Variants in CDH12 observed in about 807,000 individuals in gnomAD.
CDH12 encodes the protein cadherin-12.
Under a neutral mutation model 74.1 loss-of-function variants are expected in CDH12, and 41 were observed. The observed-to-expected ratio is 0.55, with a 90% CI of 0.43 to 0.72. The LOEUF is 0.72. Among genes scored for constraint, CDH12 ranks in the 30% least tolerant of loss-of-function variants. The pLI is 0.00. For missense variants in CDH12, 945 were observed against 977.2 expected (o/e 0.97, Z 0.44); for synonymous variants, 399 against 355.0 (o/e 1.12, Z -1.39).
chr5:22,319,961 G>A (rs1410431955), intron 3 of CDH12, among the ~76,000 whole-genome samples: 3 of 152,054 alleles, frequency 2.0e-5, no homozygotes, highest in Non-Finnish European at 4.4e-5. Context: ...GAAGGGAGAT[G>A]GAGACTAACT....
At chr5:22,210,682 A>T (rs993053679) in intron 4 of CDH12, among the ~76,000 whole-genome samples, 2 of 152,060 alleles carry the variant, frequency 1.3e-5, no homozygotes, top group African/African-American at 4.8e-5. Flanking sequence ...TGGTCAATAC[A>T]TCCAACAAAA....
intron 4 of CDH12, among the ~76,000 whole-genome samples, chr5:22,083,407 G>C (rs1416167056): frequency 6.6e-6 from 1 of 152,094 alleles, no homozygotes; most frequent in Admixed American, 6.6e-5. Flanking sequence ...GGGTGGAGTG[G>C]TGGCGTAAAG....
chr5:22,428,856 C>A (rs879251199), intron 2 of CDH12, among the ~76,000 whole-genome samples: 18 of 152,148 alleles, frequency 1.2e-4, no homozygotes, highest in Admixed American at 1.2e-3. Context: ...GAACAGCCTG[C>A]CTTTAGGGAT....
intron 1 of CDH12, among the ~76,000 whole-genome samples, chr5:22,802,437 AT>A (rs1748582797): frequency 6.6e-6 from 1 of 152,104 alleles, no homozygotes. Context: ...TTAAATTCTA[AT>A]TTCTAAGAGT....
At chr5:22,844,242 TATA>T (rs1737204255) in intron 1 of CDH12, among the ~76,000 whole-genome samples, 1 of 152,224 alleles carries the variant, frequency 6.6e-6, no homozygotes, top group South Asian at 2.1e-4. Flanking sequence ...TAAGGTTTCC[TATA>T]ATAACTTGGA....
intron 1 of CDH12, among the ~76,000 whole-genome samples, chr5:22,526,585 GC>G (rs1229831533): frequency 2.0e-5 from 3 of 152,126 alleles, no homozygotes; most frequent in Non-Finnish European, 4.4e-5. Context: ...ATCTGGTGCG[GC>G]AGCTGCAATT....
rs560122609 is a variant in CDH12, at chr5:22,666,352, C to G, written c.-522-160988G>C. The stretch of plus-strand genomic sequence containing the variant: ...ACGCCCAGGCTGGAGTGCAGTGGCA[C>G]GATCTCGGCTCACTGCAAGCTCCGC... On this transcript the variant is annotated intron_variant, in intron 1 of 14. Transcript: ENST00000382254. Among the ~76,000 whole-genome samples, 21 of 142,260 alleles carry G rather than the reference C, an allele frequency of 1.5e-4. No individual in the cohort carries two copies. The East Asian group carries it at 2.3e-3, about 16-fold the overall frequency. 93.3% of individuals were successfully genotyped at this position (142,260 alleles called of 152,430 possible).
At chr5:21,832,836 TATAAATCATATGATATATG>T (rs1749114908) in intron 8 of CDH12, among the ~76,000 whole-genome samples, 2 of 105,746 alleles carry the variant, frequency 1.9e-5, no homozygotes, top group African/African-American at 6.7e-5. Context: ...ATTATAATAA[TATAAATCATATGATATATG>T]ATATATATCA....
intron 1 of CDH12, among the ~76,000 whole-genome samples, chr5:22,810,905 ATGTG>A (rs113641421): frequency 0.057 from 8,361 of 146,872 alleles, 337 homozygotes; most frequent in East Asian, 0.18. Flanking sequence ...AAACAAATAT[ATGTG>A]TGTGTGTGTG....
At chr5:21,840,373 T>C (rs968719445) in intron 8 of CDH12, among the ~76,000 whole-genome samples, 17 of 152,164 alleles carry the variant, frequency 1.1e-4, no homozygotes, top group Admixed American at 2.0e-4. Flanking sequence ...CACTATTTTT[T>C]ACTAAAGTAA....
intron 3 of CDH12, among the ~76,000 whole-genome samples, chr5:22,368,432 G>A (rs2126332231): frequency 6.6e-6 from 1 of 151,484 alleles, no homozygotes; most frequent in Admixed American, 6.6e-5. Context: ...CCAAGTTGCT[G>A]GGACTACAAG....
chr5:22,321,240 A>C (rs1394454252), intron 3 of CDH12, among the ~76,000 whole-genome samples: 1 of 151,468 alleles, frequency 6.6e-6, no homozygotes, highest in African/African-American at 2.4e-5. Context: ...ACTTGGAACC[A>C]ACCCAAATGT....
intron 3 of CDH12, among the ~76,000 whole-genome samples, chr5:22,334,831 A>G (rs1739505476): frequency 6.6e-6 from 1 of 152,188 alleles, no homozygotes; most frequent in Non-Finnish European, 1.5e-5. Context: ...TTCTCTCACC[A>G]TATACAAAAA....
chr5:22,839,080 A>G (rs991985295), intron 1 of CDH12, among the ~76,000 whole-genome samples: 6 of 152,172 alleles, frequency 3.9e-5, no homozygotes, highest in African/African-American at 1.4e-4. Flanking sequence ...TGTCTACTCA[A>G]TATATTTGAA....
chr5:21,952,184 T>C (rs1035013156), intron 6 of CDH12, among the ~76,000 whole-genome samples: 1 of 152,198 alleles, frequency 6.6e-6, no homozygotes, highest in African/African-American at 2.4e-5. Flanking sequence ...CTGTTCTTAT[T>C]GTTCAAAGAG....
chr5:22,152,760 T>C (rs570406123), intron 4 of CDH12, among the ~76,000 whole-genome samples: 2 of 152,246 alleles, frequency 1.3e-5, no homozygotes, highest in South Asian at 4.2e-4. Flanking sequence ...TGGACCAATG[T>C]CTCCTCACCC....
At chr5:22,473,432 A>G (rs1361716867) in intron 2 of CDH12, among the ~76,000 whole-genome samples, 1 of 152,136 alleles carries the variant, frequency 6.6e-6, no homozygotes, top group African/African-American at 2.4e-5. Flanking sequence ...CTTTCATGGT[A>G]AGTATAAAAC....
At chr5:22,839,204 A>C (rs1581051589) in intron 1 of CDH12, among the ~76,000 whole-genome samples, 1 of 152,346 alleles carries the variant, frequency 6.6e-6, no homozygotes, top group East Asian at 1.9e-4. Context: ...GTTAAATATC[A>C]TACAACAACA....
At chr5:21,957,729 G>A (rs1218880310) in intron 6 of CDH12, among the ~76,000 whole-genome samples, 1 of 152,060 alleles carries the variant, frequency 6.6e-6, no homozygotes, top group Admixed American at 6.6e-5. Context: ...TTTAAAAAGT[G>A]TCTGTTCATG....
Sources: gnomAD v4.1 joint callset for allele counts (sites outside exome capture counted in the v4.1 genomes callset) on GRCh38, gnomAD v4.1.1 for gene constraint, MANE v1.5 for transcripts, NCBI Gene and HGNC (gene_info 2026-07-23, HGNC 2026-07-21) for gene names.